Variants in PPP2R5E observed in about 807,000 individuals in gnomAD.
PPP2R5E encodes protein phosphatase 2 regulatory subunit B'epsilon.
A neutral mutation model predicts 65.3 loss-of-function variants in PPP2R5E; 4 were observed. That is an observed-to-expected ratio of 0.06 (90% CI 0.03 to 0.14). The LOEUF (loss-of-function observed/expected upper bound fraction) is 0.14, where lower values mean the gene tolerates loss of function less well. PPP2R5E is among the 10% of genes least tolerant of loss of function. The probability of loss-of-function intolerance (pLI) is 1.00; values close to 1 mark genes in which losing one functional copy is unlikely to be tolerated. For missense variants in PPP2R5E, 274 were observed against 556.1 expected, an observed-to-expected ratio of 0.49 and a Z score of 5.10; for synonymous variants, 183 against 187.4, an observed-to-expected ratio of 0.98 and a Z score of 0.19.
At chr14:63,458,663 C>T (rs188568560) in intron 2 of PPP2R5E, among the ~76,000 whole-genome samples, 1 of 152,080 alleles carries the variant, frequency 6.6e-6, no homozygotes, top group East Asian at 1.9e-4. Flanking sequence ...ATTATTTACA[C>T]ATAAACTATT....
At chr14:63,526,695 G>A (rs1276695019) in intron 2 of PPP2R5E, among the ~76,000 whole-genome samples, 1 of 152,038 alleles carries the variant, frequency 6.6e-6, no homozygotes, top group Non-Finnish European at 1.5e-5. Context: ...TAGCTGGGAC[G>A]ACAGGAGCAT....
rs10717359 is a variant in PPP2R5E at position 63,462,073 on chromosome 14, AT to A, written c.158-8189del. Among the ~76,000 whole-genome samples, 1,313 of 144,546 alleles carry A rather than the reference AT, an allele frequency of 9.1e-3. 5 individuals carry two copies. The highest frequency in any genetic ancestry group is 9.7e-3 in the Non-Finnish European group (634 of 65,146). The allele number at this position is 144,546 out of a possible 152,430, so 94.8% of individuals were successfully genotyped here. A position where few individuals can be genotyped will look rare whatever the true frequency, so the allele number is the denominator to read the frequency against. ...TAATGACAGTACCGATTTCAACTGT[AT>A]TTTTTTTTTTTTTTTAGACGGAGTC... On this transcript the variant is annotated intron_variant, in intron 2 of 13. Coordinates refer to ENST00000337537, the MANE Select transcript of PPP2R5E (RefSeq NM_006246.5).
chr14:63,447,878 G>C (rs970822077), intron 3 of PPP2R5E, among the ~76,000 whole-genome samples: 1 of 152,178 alleles, frequency 6.6e-6, no homozygotes, highest in African/African-American at 2.4e-5. Flanking sequence ...TCGGGGAATA[G>C]GGAGGCCTGA....
At chr14:63,522,768 T>C (rs1443715282) in intron 2 of PPP2R5E, among the ~76,000 whole-genome samples, 3 of 143,302 alleles carry the variant, frequency 2.1e-5, no homozygotes, top group East Asian at 4.3e-4. Context: ...GTCTGAGAAG[T>C]GAGGAGCGTC....
rs1889874251 is a variant in PPP2R5E at position 63,467,235 on chromosome 14, C to CAAAAAA, written c.158-13351_158-13350insTTTTTT. On this transcript the variant is annotated intron_variant, in intron 2 of 13. Coordinates refer to ENST00000337537, the MANE Select transcript of PPP2R5E (RefSeq NM_006246.5). ...AAGACTCCGTCTCAAAAAAAACAAA[C>CAAAAAA]AAACAAACAAAAAAAACACTATTTA... Among the ~76,000 whole-genome samples, 2 of 114,088 alleles carry CAAAAAA rather than the reference C, an allele frequency of 1.8e-5. 1 individual carries two copies. The highest frequency in any genetic ancestry group is 3.3e-5 in the Non-Finnish European group (2 of 60,444). The allele number at this position is 114,088 out of a possible 152,430, so 74.8% of individuals were successfully genotyped here.
chr14:63,516,117 G>A (rs1331717377), intron 2 of PPP2R5E, among the ~76,000 whole-genome samples: 1 of 152,104 alleles, frequency 6.6e-6, no homozygotes, highest in African/African-American at 2.4e-5. Flanking sequence ...CTAAAGTGCT[G>A]GGATTACAGG....
chr14:63,506,537 T>C (rs1271135559), intron 2 of PPP2R5E, among the ~76,000 whole-genome samples: 1 of 152,122 alleles, frequency 6.6e-6, no homozygotes, highest in Non-Finnish European at 1.5e-5. Context: ...CCAAAGAAGA[T>C]ACACAAATGG....
intron 3 of PPP2R5E, among the ~76,000 whole-genome samples, chr14:63,441,139 C>T (rs8018128): frequency 0.23 from 34,663 of 151,862 alleles, 4,250 homozygotes; most frequent in East Asian, 0.31. Flanking sequence ...ATTGAATTAA[C>T]TCATATATTG....
chr14:63,404,683 T>C (rs1343186875), intron 5 of PPP2R5E, among the ~76,000 whole-genome samples: 3 of 152,216 alleles, frequency 2.0e-5, no homozygotes, highest in Non-Finnish European at 4.4e-5. Context: ...TTCGAAAGTG[T>C]AAGGCGTACA....
In PPP2R5E at chr14:63,375,180, T is replaced by C. The variant is rs1229349834; in HGVS notation, c.*829A>G. On this transcript the variant is annotated 3_prime_UTR_variant, in exon 14 of 14. Transcript: ENST00000337537. Reference sequence around the variant, plus strand: ...CAAAAGGATGTTTTTCTCACATTTCTAAAACATCTCTGGTATGTGTGTTCA... The same window carrying C: ...CAAAAGGATGTTTTTCTCACATTTCCAAAACATCTCTGGTATGTGTGTTCA... The C allele has an allele frequency of 6.6e-6, 1 of 152,630 alleles. No individual in the cohort carries two copies. Among genetic ancestry groups the C allele is most frequent in the Non-Finnish European group, 1.5e-5 (1 of 68,006 alleles). The allele number at this position is 152,630 out of a possible 1,614,324, so 9.5% of individuals were successfully genotyped here.
chr14:63,397,615 G>A (rs146460610), intron 5 of PPP2R5E, among the ~76,000 whole-genome samples: 336 of 151,764 alleles, frequency 2.2e-3, no homozygotes, highest in Middle Eastern at 3.4e-3. Flanking sequence ...CAATGATACT[G>A]GCAATGGTCC....
At chr14:63,431,521 A>G (rs1317416762) in intron 3 of PPP2R5E, among the ~76,000 whole-genome samples, 1 of 152,220 alleles carries the variant, frequency 6.6e-6, no homozygotes, top group African/African-American at 2.4e-5. Context: ...ATCCTTGTTT[A>G]TCACAAATGT....
intron 1 of PPP2R5E, among the ~76,000 whole-genome samples, chr14:63,540,811 A>G (rs1238588590): frequency 6.6e-6 from 1 of 152,182 alleles, no homozygotes; most frequent in Non-Finnish European, 1.5e-5. Flanking sequence ...TTTAAGTATC[A>G]CGGAAACAAT....
At chr14:63,506,216 C>T (rs1342952753) in intron 2 of PPP2R5E, among the ~76,000 whole-genome samples, 1 of 152,070 alleles carries the variant, frequency 6.6e-6, no homozygotes, top group Non-Finnish European at 1.5e-5. Context: ...TTTGGGAGGC[C>T]GCGGCGGGTG....
chr14:63,430,388 T>TGC (rs1566696582), intron 3 of PPP2R5E, among the ~76,000 whole-genome samples: 107 of 145,732 alleles, frequency 7.3e-4, no homozygotes, highest in Non-Finnish European at 9.1e-4. Flanking sequence ...CATACATACA[T>TGC]ACATACATAC....
intron 3 of PPP2R5E, among the ~76,000 whole-genome samples, chr14:63,447,569 GA>G (rs1888552171): frequency 2.0e-5 from 3 of 152,220 alleles, no homozygotes; most frequent in African/African-American, 7.2e-5. Context: ...CCAGACCACT[GA>G]AACTTTCTCA....
intron 2 of PPP2R5E, among the ~76,000 whole-genome samples, chr14:63,473,757 T>C (rs914402853): frequency 2.0e-5 from 3 of 152,168 alleles, no homozygotes; most frequent in African/African-American, 7.2e-5. Context: ...AGAGAGAAAA[T>C]CAAGTCTCTT....
intron 2 of PPP2R5E, among the ~76,000 whole-genome samples, chr14:63,483,329 T>C (rs1443492005): frequency 1.3e-5 from 2 of 151,974 alleles, no homozygotes; most frequent in Non-Finnish European, 2.9e-5. Context: ...GTGTGGTAAG[T>C]ACTATAGGAG....
At chr14:63,452,698 A>T (rs1024689870) in intron 3 of PPP2R5E, 1 of 152,224 alleles carries the variant, frequency 6.6e-6, no homozygotes, top group Non-Finnish European at 1.5e-5. Context: ...TTTCAGTCAC[A>T]GTCTCACGCT....
Sources: allele counts gnomAD v4.1 joint callset (sites outside exome capture counted in the v4.1 genomes callset), GRCh38; gene constraint gnomAD v4.1.1; transcripts MANE v1.5; gene names NCBI Gene and HGNC (gene_info 2026-07-23, HGNC 2026-07-21).